The following PPP2R2B variants were observed in gnomAD, a reference collection of about 807,000 sequenced individuals.
PPP2R2B encodes protein phosphatase 2 regulatory subunit Bbeta.
In PPP2R2B, 5 loss-of-function variants were observed where a neutral mutation model predicts 46.0. The observed-to-expected ratio is 0.11, with a 90% CI of 0.06 to 0.23. The LOEUF (loss-of-function observed/expected upper bound fraction) is 0.23, where lower values mean the gene tolerates loss of function less well. Ranked by LOEUF, PPP2R2B falls within the 10% of genes least tolerant of loss-of-function variation. The probability of loss-of-function intolerance (pLI) is 1.00; values close to 1 mark genes in which losing one functional copy is unlikely to be tolerated. For missense variants in PPP2R2B, 367 were observed against 575.0 expected, an observed-to-expected ratio of 0.64 and a Z score of 3.70; for synonymous variants, 215 against 206.7, an observed-to-expected ratio of 1.04 and a Z score of -0.34.
At chr5:146,608,118 G>A (rs1278947266) in intron 7 of PPP2R2B, among the ~76,000 whole-genome samples, 1 of 152,188 alleles carries the variant, frequency 6.6e-6, no homozygotes, top group Non-Finnish European at 1.5e-5. Flanking sequence ...GCTGAGCCCT[G>A]ATAATGGTGT....
At chr5:146,788,907 C>A (rs180750399) in intron 2 of PPP2R2B, among the ~76,000 whole-genome samples, 1 of 152,268 alleles carries the variant, frequency 6.6e-6, no homozygotes, top group East Asian at 1.9e-4. Flanking sequence ...TTAGCATCAG[C>A]AAATCAATCT....
chr5:147,076,999 C>T (rs1757787877), intron 2 of PPP2R2B, among the ~76,000 whole-genome samples: 1 of 149,498 alleles, frequency 6.7e-6, no homozygotes, highest in African/African-American at 2.5e-5. Context: ...AAGTATCTTG[C>T]ACCAAGATGC....
chr5:146,598,483 A>G (rs1771439998), intron 8 of PPP2R2B, among the ~76,000 whole-genome samples: 1 of 152,172 alleles, frequency 6.6e-6, no homozygotes, highest in Non-Finnish European at 1.5e-5. Context: ...TGAGTGTCAG[A>G]TTTATATCTT....
intron 2 of PPP2R2B, among the ~76,000 whole-genome samples, chr5:146,820,977 C>T (rs190941582): frequency 6.6e-6 from 1 of 152,286 alleles, no homozygotes; most frequent in East Asian, 1.9e-4. Context: ...TACCATCTCT[C>T]ACCAAGATTA....
chr5:146,696,526 A>C (rs1464667531), intron 4 of PPP2R2B, among the ~76,000 whole-genome samples: 1 of 152,224 alleles, frequency 6.6e-6, no homozygotes, highest in Non-Finnish European at 1.5e-5. Flanking sequence ...AATCATCAGA[A>C]GTCTCTTTTA....
intron 2 of PPP2R2B, among the ~76,000 whole-genome samples, chr5:146,805,381 T>C (rs555597780): frequency 1.3e-5 from 2 of 152,286 alleles, no homozygotes; most frequent in African/African-American, 4.8e-5. Flanking sequence ...GCTGGGATCC[T>C]TGAATGCTGT....
intron 1 of PPP2R2B, among the ~76,000 whole-genome samples, chr5:146,890,318 A>G (rs1436436549): frequency 6.6e-6 from 1 of 152,250 alleles, no homozygotes; most frequent in African/African-American, 2.4e-5. Context: ...CTCCTGAGCC[A>G]CGGCTGTAGA....
At chr5:146,760,823 T>C (rs1469748779) in intron 2 of PPP2R2B, among the ~76,000 whole-genome samples, 4 of 151,990 alleles carry the variant, frequency 2.6e-5, no homozygotes, top group South Asian at 2.1e-4. Flanking sequence ...AAGAAAATAT[T>C]TGAGGGTTGT....
chr5:146,669,671 T>G (rs1777219406), intron 5 of PPP2R2B, among the ~76,000 whole-genome samples: 1 of 152,116 alleles, frequency 6.6e-6, no homozygotes. Flanking sequence ...GTGCTTACTG[T>G]CCCCTGTATG....
chr5:146,798,589 C>A (rs1013524597), intron 2 of PPP2R2B, among the ~76,000 whole-genome samples: 4 of 152,124 alleles, frequency 2.6e-5, no homozygotes, highest in Admixed American at 6.6e-5. Flanking sequence ...GAATGTTTTA[C>A]CAATGATAAA....
At chr5:146,998,032 C>T (rs1754000810) in intron 1 of PPP2R2B, among the ~76,000 whole-genome samples, 1 of 152,154 alleles carries the variant, frequency 6.6e-6, no homozygotes, top group Admixed American at 6.5e-5. Context: ...CTCTGCCTCC[C>T]ACTCCTTCTC....
intron 2 of PPP2R2B, among the ~76,000 whole-genome samples, chr5:146,774,844 G>T (rs1441549646): frequency 6.6e-6 from 1 of 150,720 alleles, no homozygotes; most frequent in East Asian, 2.0e-4. Flanking sequence ...AAAAGAGAGA[G>T]AATATTATGA....
At chr5:146,720,594 T>G (rs1487864596) in intron 2 of PPP2R2B, among the ~76,000 whole-genome samples, 1 of 152,194 alleles carries the variant, frequency 6.6e-6, no homozygotes, top group Non-Finnish European at 1.5e-5. Flanking sequence ...GGGATTTATC[T>G]GGGTAAATAT....
At chr5:146,729,229 G>T (rs568543217) in intron 2 of PPP2R2B, among the ~76,000 whole-genome samples, 4 of 152,298 alleles carry the variant, frequency 2.6e-5, no homozygotes, top group South Asian at 4.2e-4. Context: ...GTGGCATTTT[G>T]CCCCTGCCCT....
At position 146,650,637 on chromosome 5, in the gene PPP2R2B, T is replaced by C. The variant is rs776623362; in HGVS notation, c.535A>G (p.Ile179Val). Reference sequence around the variant, plus strand: ...GTTTCATAGTCGCTGTTGACAGATATGGAGTTGATGTGATATGTGTGTGCG... The same window carrying C: ...GTTTCATAGTCGCTGTTGACAGATACGGAGTTGATGTGATATGTGTGTGCG... The part of the protein sequence containing the change: ...ANAHTYHINS[I>V]SVNSDYETYM... Residue 179 changes from isoleucine (I) to valine (V), a missense_variant, in exon 6 of 10, where the codon ATA (isoleucine) becomes GTA (valine). Physicochemically the swap from Ile to Val is conservative, Grantham distance 29. Coordinates refer to ENST00000394411, the MANE Select transcript of PPP2R2B (RefSeq NM_181675.4). The C allele has an allele frequency of 2.5e-6, 4 of 1,614,068 alleles. No individual in the cohort carries two copies. Among genetic ancestry groups the C allele is most frequent in the Non-Finnish European group, 3.4e-6 (4 of 1,179,984 alleles).
At chr5:147,055,537 T>A (rs964119842) in intron 1 of PPP2R2B, 2 of 787,064 alleles carry the variant, frequency 2.5e-6, no homozygotes, top group South Asian at 3.3e-5. Flanking sequence ...GTCTGTTGGA[T>A]ACAAGCTTTT....
intron 9 of PPP2R2B, chr5:146,592,244 C>A: frequency 2.7e-6 from 1 of 375,218 alleles, no homozygotes; most frequent in Admixed American, 3.7e-5. Flanking sequence ...AGCCAAGAAA[C>A]AGGTGGAGTG....
chr5:147,027,628 C>A (rs964641504), intron 1 of PPP2R2B, among the ~76,000 whole-genome samples: 5 of 98,036 alleles, frequency 5.1e-5, no homozygotes, highest in Admixed American at 1.1e-4. Flanking sequence ...AAGCGAGACT[C>A]GGTCTCAAAA....
chr5:147,068,144 G>A (rs1648764586), intron 2 of PPP2R2B, among the ~76,000 whole-genome samples: 1 of 151,884 alleles, frequency 6.6e-6, no homozygotes, highest in Non-Finnish European at 1.5e-5. Context: ...TTATTTTCTT[G>A]TTATCTGTTT....
Sources: gnomAD v4.1 joint callset for allele counts (sites outside exome capture counted in the v4.1 genomes callset) on GRCh38, gnomAD v4.1.1 for gene constraint, MANE v1.5 for transcripts, NCBI Gene and HGNC (gene_info 2026-07-23, HGNC 2026-07-21) for gene names.